PER3: variants seen among roughly 807,000 people sequenced by gnomAD.
PER3 encodes the protein period circadian regulator 3.
PER3 carries 107 observed loss-of-function variants against 127.2 expected under a neutral mutation model. That is an observed-to-expected ratio of 0.84 (90% CI 0.72 to 0.99). PER3 has a LOEUF of 0.99. Among genes scored for constraint, PER3 ranks in the 50% least tolerant of loss-of-function variants. The pLI, the probability that PER3 is intolerant of heterozygous loss-of-function variation, is 0.00. For synonymous variants in PER3, 618 were observed against 585.8 expected, an observed-to-expected ratio of 1.05 and a Z score of -0.79; for missense variants, 1,560 against 1,525.8, an observed-to-expected ratio of 1.02 and a Z score of -0.37.
At chr1:7,836,909 CCA>C in intron 20 of PER3, 88 bp from the exon 21 acceptor site, 2 of 962,414 alleles carry the variant, frequency 2.1e-6, no homozygotes, top group South Asian at 3.3e-5. Context: ...AGGTGTATTA[CCA>C]ACCAAGAAGA....
chr1:7,800,555 C>T (rs1304628934), intron 7 of PER3, among the ~76,000 whole-genome samples: 2 of 152,064 alleles, frequency 1.3e-5, no homozygotes, highest in African/African-American at 4.8e-5. Context: ...TTTTATTACA[C>T]AAAGAATATC....
intron 6 of PER3, 80 bp downstream of exon 6, chr1:7,794,088 A>G: frequency 8.9e-7 from 1 of 1,121,196 alleles, no homozygotes; most frequent in Non-Finnish European, 1.4e-6. Context: ...ATTCTTGTGT[A>G]TTCAGCTCAC....
intron 6 of PER3, among the ~76,000 whole-genome samples, chr1:7,797,112 G>T (rs772598819): frequency 6.6e-6 from 1 of 152,152 alleles, no homozygotes; most frequent in Non-Finnish European, 1.5e-5. Context: ...GGTCATCAGC[G>T]TGTAAATGGC....
At chr1:7,785,144 G>A (rs2097080452) in intron 2 of PER3, 139 bp downstream of exon 2, 1 of 932,934 alleles carries the variant, frequency 1.1e-6, no homozygotes, top group Non-Finnish European at 1.6e-6. Flanking sequence ...GGCAATGTAG[G>A]ATGAAGTGAT....
At chr1:7,792,675 G>C (rs571213028) in intron 5 of PER3, among the ~76,000 whole-genome samples, 1 of 152,288 alleles carries the variant, frequency 6.6e-6, no homozygotes, top group South Asian at 2.1e-4. Flanking sequence ...AGAGGACTTA[G>C]GAAGCAATCC....
chr1:7,823,429 G>A (rs1319219210), intron 16 of PER3, among the ~76,000 whole-genome samples: 1 of 152,174 alleles, frequency 6.6e-6, no homozygotes, highest in Non-Finnish European at 1.5e-5. Flanking sequence ...GATCACCTGA[G>A]GTCAGGAGTT....
At position 7,827,111 on chromosome 1, in the gene PER3, C is replaced by A; in HGVS notation, c.2189-7C>A. 2 of 1,567,870 alleles carry A rather than the reference C, an allele frequency of 1.3e-6. No homozygotes were observed. The highest frequency in any genetic ancestry group is 1.7e-6 in the Non-Finnish European group (2 of 1,159,410). ...TCCATAATTTGCCTCTACCTTTATC[C>A]TTCCAGGAGATTCTACTTCCAAGCA... On this transcript the variant is annotated splice_polypyrimidine_tract_variant and splice_region_variant and intron_variant, in intron 17 of 21. Coordinates refer to ENST00000377532, the MANE Select transcript of PER3 (RefSeq NM_001377275.1).
rs185986774 is a variant in PER3, at chr1:7,798,658, C to T, written c.778C>T (p.His260Tyr). The T allele has an allele frequency of 1.2e-6, 2 of 1,613,654 alleles. No individual in the cohort carries two copies. The highest frequency in any genetic ancestry group is 4.5e-5 in the East Asian group (2 of 44,876). Residue 260 changes from histidine (H) to tyrosine (Y), a missense_variant, in exon 7 of 22, where the codon CAC (histidine) becomes TAC (tyrosine). This residue lies in a region of PER3 where 1,332 missense variants were observed against 1,223.6 expected (regional missense o/e 1.09). Transcript: ENST00000377532. ...CTGTCTCACTGTGGTTGAAAAGATT[C>T]ACTCTGGTTATGAAGGTAAGTCAGT... ...PCCLTVVEKI[H>Y]SGYEAPRIPV...
chr1:7,789,246 T>C (rs535209736), intron 5 of PER3, among the ~76,000 whole-genome samples: 15 of 152,080 alleles, frequency 9.9e-5, no homozygotes, highest in African/African-American at 3.6e-4. Context: ...CTATCTGATA[T>C]AGTTTGGCTG....
chr1:7,801,776 C>T (rs984434434), intron 8 of PER3, among the ~76,000 whole-genome samples: 3 of 152,026 alleles, frequency 2.0e-5, no homozygotes, highest in Admixed American at 2.0e-4. Context: ...TTTTTAGTAT[C>T]TTTATTTGGA....
chr1:7,813,630 A>G (rs1217997551), intron 13 of PER3, among the ~76,000 whole-genome samples: 1 of 152,232 alleles, frequency 6.6e-6, no homozygotes, highest in Non-Finnish European at 1.5e-5. Flanking sequence ...CAGCTGAGGC[A>G]AGAAGTATAA....
In PER3 at chr1:7,808,885, T is replaced by C; in HGVS notation, c.1137-8T>C. Reference sequence around the variant, plus strand: ...GTTTGACTCAGTCTCTCACTGGGCATTTTCTAGGAGCCCACTAAATGAGGA... The same window carrying C: ...GTTTGACTCAGTCTCTCACTGGGCACTTTCTAGGAGCCCACTAAATGAGGA... On this transcript the variant is annotated splice_polypyrimidine_tract_variant and splice_region_variant and intron_variant, in intron 10 of 21. Transcript: ENST00000377532. The C allele has an allele frequency of 6.7e-7, 1 of 1,495,268 alleles. No individual in the cohort carries two copies. Among genetic ancestry groups the C allele is most frequent in the Non-Finnish European group, 9.3e-7 (1 of 1,073,078 alleles). The allele number at this position is 1,495,268 out of a possible 1,614,324, so 92.6% of individuals were successfully genotyped here.
In PER3 at chr1:7,827,722, A is replaced by T; in HGVS notation, c.2793A>T (p.Ser931=). The T allele has an allele frequency of 6.2e-7, 1 of 1,614,070 alleles. No homozygotes were observed. Among genetic ancestry groups the T allele is most frequent in the East Asian group, 2.2e-5 (1 of 44,876 alleles). The change falls in exon 18 of 22, where the codon TCA becomes TCT. Residue 931 remains serine, a synonymous_variant. Coordinates refer to ENST00000377532, the MANE Select transcript of PER3 (RefSeq NM_001377275.1). ...GHPFITSRSS[S]PLQLNLLQEE... is the part of the protein sequence containing the mutation. ...CGTTCATTACTTCGAGAAGCAGCTC[A>T]CCCTTGCAGTTAAACTTACTTCAGG...
chr1:7,793,371 A>G (rs867137949), intron 5 of PER3, among the ~76,000 whole-genome samples: 1 of 152,218 alleles, frequency 6.6e-6, no homozygotes, highest in East Asian at 1.9e-4. Flanking sequence ...AATCATTGGC[A>G]TGAGGGTTGT....
Position 7,834,814 on chromosome 1 carries a change from GT to G in PER3, c.3215-942del, listed in dbSNP as rs200814544. Among the ~76,000 whole-genome samples, 1,084 of 151,900 alleles carry G rather than the reference GT, an allele frequency of 7.1e-3. 8 individuals carry two copies. The highest frequency in any genetic ancestry group is 0.011 in the Non-Finnish European group (729 of 67,968). ...TATTACTTTTTTATTTACATACTTA[GT>G]TTTTTAAAAAAAATTAAACAAATAG... is the stretch of plus-strand genomic sequence containing the variant. On this transcript the variant is annotated intron_variant, in intron 19 of 21. Coordinates refer to ENST00000377532, the MANE Select transcript of PER3 (RefSeq NM_001377275.1).
intron 10 of PER3, among the ~76,000 whole-genome samples, chr1:7,807,620 G>T (rs546098611): frequency 4.7e-4 from 71 of 152,310 alleles, no homozygotes; most frequent in African/African-American, 1.6e-3. Context: ...GTTCCTCAGA[G>T]TACCTCATCC....
intron 13 of PER3, among the ~76,000 whole-genome samples, chr1:7,817,659 A>G (rs1287911006): frequency 6.6e-6 from 1 of 152,160 alleles, no homozygotes; most frequent in Non-Finnish European, 1.5e-5. Context: ...TGGCGCGAAC[A>G]GTTTCAGTGT....
chr1:7,797,225 G>A (rs2097149563), intron 6 of PER3, among the ~76,000 whole-genome samples: 1 of 151,980 alleles, frequency 6.6e-6, no homozygotes, highest in African/African-American at 2.4e-5. Flanking sequence ...TGGGTCGGCA[G>A]CACCGGGACA....
At chr1:7,806,409 A>G (rs2097192851) in intron 10 of PER3, among the ~76,000 whole-genome samples, 2 of 152,192 alleles carry the variant, frequency 1.3e-5, no homozygotes, top group South Asian at 4.1e-4. Flanking sequence ...CAGCAAAGCA[A>G]TAAATACTTC....
Sources: allele counts gnomAD v4.1 joint callset (sites outside exome capture counted in the v4.1 genomes callset), GRCh38; gene constraint gnomAD v4.1.1; regional missense constraint gnomAD v4.1.1; transcripts MANE v1.5; gene names NCBI Gene and HGNC (gene_info 2026-07-23, HGNC 2026-07-21).